MAP2K5: variants seen among roughly 807,000 people sequenced by gnomAD.
MAP2K5 encodes mitogen-activated protein kinase kinase 5, also known as dual specificity mitogen-activated protein kinase kinase 5.
A neutral mutation model predicts 83.1 loss-of-function variants in MAP2K5; 49 were observed. The observed-to-expected ratio is 0.59, with a 90% CI of 0.47 to 0.75. The LOEUF is 0.75. MAP2K5 is among the 30% of genes least tolerant of loss of function. The pLI, the probability that MAP2K5 is intolerant of heterozygous loss-of-function variation, is 0.00. For missense variants in MAP2K5, 457 were observed against 557.5 expected, an observed-to-expected ratio of 0.82 and a Z score of 1.82; for synonymous variants, 202 against 191.8, an observed-to-expected ratio of 1.05 and a Z score of -0.44.
intron 15 of MAP2K5, 53 bp downstream of exon 15, chr15:67,693,621 G>A: frequency 3.1e-6 from 4 of 1,304,730 alleles, no homozygotes; most frequent in South Asian, 1.2e-5. Flanking sequence ...TTATCTTTAT[G>A]TACTTGGTAA....
At chr15:67,582,085 CAG>C (rs1354332495) in intron 4 of MAP2K5, among the ~76,000 whole-genome samples, 5 of 120,490 alleles carry the variant, frequency 4.1e-5, no homozygotes, top group Admixed American at 1.0e-4. Context: ...TTTTTCGAGA[CAG>C]AGTCTCGCTC....
chr15:67,570,677 G>A (rs1347880471), intron 3 of MAP2K5, among the ~76,000 whole-genome samples: 2 of 152,168 alleles, frequency 1.3e-5, no homozygotes, highest in African/African-American at 4.8e-5. Context: ...TCTGAGTAGC[G>A]TTATAATTGA....
chr15:67,573,919 A>G lies in MAP2K5; in HGVS notation c.253-6835A>G, dbSNP rs1460012059. Among the ~76,000 whole-genome samples the G allele has an allele frequency of 2.6e-5, 4 of 152,220 alleles. No individual in the cohort carries two copies. Among genetic ancestry groups the G allele is most frequent in the Non-Finnish European group, 5.9e-5 (4 of 68,038 alleles). ...GGTTTTTTGCTTTGTTATTTTACAT[A>G]TAAACAAACATTGTACATAAGGTAG... On this transcript the variant is annotated intron_variant, in intron 3 of 21. Coordinates refer to ENST00000178640, the MANE Select transcript of MAP2K5 (RefSeq NM_145160.3). This position sits in a 1 kb window ranked among gnomAD's most constrained non-coding sequence, Gnocchi z 4.2.
rs993899616 is a variant in MAP2K5, at chr15:67,577,256, A to C, written c.253-3498A>C. 2.6e-5 allele frequency among the ~76,000 whole-genome samples: 4 copies of C among 152,150 alleles called. No homozygotes were observed. In the East Asian group the frequency reaches 7.7e-4, roughly 29 times the overall value. On this transcript the variant is annotated intron_variant, in intron 3 of 21. Transcript: ENST00000178640. This position sits in a 1 kb window ranked among gnomAD's most constrained non-coding sequence, Gnocchi z 4.1. ...GGCCAGTAACCCTATATATTAGGGTAAATATTTTTATGCTCATTTGGAGGA... is the reference window on the plus strand; with the variant it reads ...GGCCAGTAACCCTATATATTAGGGTCAATATTTTTATGCTCATTTGGAGGA...
chr15:67,628,720 A>T, intron 8 of MAP2K5: 1 of 793,812 alleles, frequency 1.3e-6, no homozygotes. Flanking sequence ...TGTTAAAGCA[A>T]GAGATGGCTA....
chr15:67,715,209 T>C (rs1273972743), intron 16 of MAP2K5, among the ~76,000 whole-genome samples: 1 of 151,196 alleles, frequency 6.6e-6, no homozygotes, highest in African/African-American at 2.4e-5. Flanking sequence ...TCTTGATTTT[T>C]TTCCACTGTC....
chr15:67,756,614 G>T (rs1367290991), intron 19 of MAP2K5, among the ~76,000 whole-genome samples: 1 of 146,474 alleles, frequency 6.8e-6, no homozygotes, highest in East Asian at 2.1e-4. Flanking sequence ...CATAATACAG[G>T]ATTATTAATT....
rs1240137155 is a variant in MAP2K5 at position 67,690,559 on chromosome 15, A to G, written c.848-1920A>G. On this transcript the variant is annotated intron_variant, in intron 13 of 21. Transcript: ENST00000178640. This position sits in a 1 kb window ranked among gnomAD's most constrained non-coding sequence, Gnocchi z 4.3. The stretch of plus-strand genomic sequence containing the variant: ...AGCAATTTTTTTTTTTTTTGAGACA[A>G]GTCTCGCTCTGATACCCAGGCTACA... 1.3e-5 allele frequency among the ~76,000 whole-genome samples: 2 copies of G among 151,366 alleles called. No homozygotes were observed. The highest frequency in any genetic ancestry group is 1.3e-4 in the Admixed American group (2 of 15,200).
chr15:67,712,488 G>A (rs2141227781), intron 16 of MAP2K5, among the ~76,000 whole-genome samples: 1 of 152,288 alleles, frequency 6.6e-6, no homozygotes, highest in East Asian at 1.9e-4. Flanking sequence ...ACTGTGCAGA[G>A]GGTAAAAAGT....
At chr15:67,734,655 C>T (rs536355724) in intron 17 of MAP2K5, among the ~76,000 whole-genome samples, 1 of 152,090 alleles carries the variant, frequency 6.6e-6, no homozygotes, top group Admixed American at 6.5e-5. Context: ...CCACAGATAT[C>T]ATTATCTTAT....
intron 21 of MAP2K5, among the ~76,000 whole-genome samples, chr15:67,803,903 T>C (rs529728520): frequency 6.6e-6 from 1 of 152,332 alleles, no homozygotes; most frequent in East Asian, 1.9e-4. Flanking sequence ...TACAGACTTG[T>C]GGTTCAGTCC....
intron 17 of MAP2K5, among the ~76,000 whole-genome samples, chr15:67,745,463 G>C (rs2089584904): frequency 6.6e-6 from 1 of 152,246 alleles, no homozygotes; most frequent in African/African-American, 2.4e-5. Context: ...GCAATGACTG[G>C]AGGTTGACTG....
intron 2 of MAP2K5, among the ~76,000 whole-genome samples, chr15:67,557,062 T>C (rs1398667820): frequency 6.6e-6 from 1 of 152,224 alleles, no homozygotes; most frequent in Non-Finnish European, 1.5e-5. Context: ...GTCCTACATA[T>C]GCTGTAAGAG....
intron 19 of MAP2K5, among the ~76,000 whole-genome samples, chr15:67,762,697 G>GA (rs1218528711): frequency 2.6e-5 from 4 of 151,796 alleles, no homozygotes; most frequent in Non-Finnish European, 2.9e-5. Flanking sequence ...AAGAAAATAG[G>GA]AAAAAAAATC....
Position 67,781,392 on chromosome 15 carries a change from G to T in MAP2K5, c.1242+8640G>T, listed in dbSNP as rs1443507892. The stretch of plus-strand genomic sequence containing the variant: ...AGCAGTTTTGAGAGAGACCTTTGGG[G>T]ATTGTGAGTCTTGTGGTTTCGGATA... On this transcript the variant is annotated intron_variant, in intron 21 of 21. Transcript: ENST00000178640. The surrounding 1 kb of genome is among the most constrained non-coding windows in gnomAD (Gnocchi z 4.0). Among the ~76,000 whole-genome samples, 1 of 152,196 alleles carries T rather than the reference G, an allele frequency of 6.6e-6. No individual in the cohort carries two copies. The highest frequency in any genetic ancestry group is 2.4e-5 in the African/African-American group (1 of 41,452).
rs66877651 is a variant in MAP2K5 at position 67,636,456 on chromosome 15, G to A, written c.585+5529G>A. On this transcript the variant is annotated intron_variant, in intron 9 of 21. Transcript: ENST00000178640. The surrounding 1 kb of genome is among the most constrained non-coding windows in gnomAD (Gnocchi z 4.7). The stretch of plus-strand genomic sequence containing the variant: ...TATAGTTATAATAACTGAATTAGTG[G>A]CCTTATCTATTTATTCCATCATATG... 0.16 allele frequency among the ~76,000 whole-genome samples: 24,526 copies of A among 151,560 alleles called. 2,062 individuals are homozygous for A. Among genetic ancestry groups the A allele is most frequent in the African/African-American group, 0.19 (7,777 of 41,346 alleles).
intron 11 of MAP2K5, among the ~76,000 whole-genome samples, chr15:67,650,290 TTTCAA>T (rs1223643123): frequency 6.6e-6 from 1 of 152,194 alleles, no homozygotes; most frequent in Non-Finnish European, 1.5e-5. Context: ...AGTGCTTTCT[TTTCAA>T]TTCTGAATGT....
Position 67,785,247 on chromosome 15 carries a change from G to A in MAP2K5, c.1242+12495G>A, listed in dbSNP as rs190351686. On this transcript the variant is annotated intron_variant, in intron 21 of 21. Transcript: ENST00000178640. This position sits in a 1 kb window ranked among gnomAD's most constrained non-coding sequence, Gnocchi z 4.4. The stretch of plus-strand genomic sequence containing the variant: ...GGTGTGAGCCACCGTGCCCGGCCCC[G>A]AACTGTTTCTTAAACACAGGAAGAT... Among the ~76,000 whole-genome samples, 22 of 152,268 alleles carry A rather than the reference G, an allele frequency of 1.4e-4. No homozygotes were observed. The East Asian group carries it at 1.7e-3, about 12-fold the overall frequency.
chr15:67,681,341 T>A (rs776459898), intron 13 of MAP2K5, among the ~76,000 whole-genome samples: 1 of 152,192 alleles, frequency 6.6e-6, no homozygotes, highest in Non-Finnish European at 1.5e-5. Context: ...AGCATGTGAG[T>A]GTTGTGAGTA....
Sources: gnomAD v4.1 joint callset for allele counts (sites outside exome capture counted in the v4.1 genomes callset) on GRCh38, gnomAD v4.1.1 for gene constraint, Gnocchi (gnomAD v3.1) non-coding constraint, MANE v1.5 for transcripts, NCBI Gene and HGNC (gene_info 2026-07-23, HGNC 2026-07-21) for gene names.